The following GABBR2 variants were observed in gnomAD, a reference collection of about 807,000 sequenced individuals.
The protein encoded by GABBR2 is G-protein coupled receptor 51.
GABBR2 carries 23 observed loss-of-function variants against 105.6 expected under a neutral mutation model. That is an observed-to-expected ratio of 0.22 (90% CI 0.16 to 0.31). GABBR2 has a LOEUF of 0.31. GABBR2 is among the 10% of genes least tolerant of loss of function. The pLI is 1.00. For missense variants in GABBR2, 734 were observed against 1,245.5 expected (o/e 0.59, Z 6.18); for synonymous variants, 478 against 499.7 (o/e 0.96, Z 0.58).
At chr9:98,411,148 T>C (rs1159504314) in intron 7 of GABBR2, among the ~76,000 whole-genome samples, 1 of 151,008 alleles carries the variant, frequency 6.6e-6, no homozygotes, top group Non-Finnish European at 1.5e-5. Context: ...CTTATAAGGA[T>C]TTTTTTTCCC....
At chr9:98,393,049 T>C (rs1329647254) in intron 9 of GABBR2, among the ~76,000 whole-genome samples, 20 of 136,338 alleles carry the variant, frequency 1.5e-4, no homozygotes, top group African/African-American at 5.2e-4. Context: ...CATCCATCCA[T>C]CCATCCATCC....
intron 3 of GABBR2, among the ~76,000 whole-genome samples, chr9:98,540,194 G>A (rs1175865877): frequency 5.3e-5 from 8 of 152,154 alleles, no homozygotes; most frequent in South Asian, 2.1e-4. Context: ...GGAAGATGAC[G>A]AGCAGTCTTG....
intron 3 of GABBR2, among the ~76,000 whole-genome samples, chr9:98,527,740 A>AT (rs11412812): frequency 0.96 from 146,618 of 152,310 alleles, 70,622 homozygotes; most frequent in African/African-American, 0.99. Context: ...AAGACATGGT[A>AT]TATAAAGATG....
Position 98,306,850 on chromosome 9 carries a change from C to T in GABBR2, c.2005-505G>A, listed in dbSNP as rs115286542. Reference sequence around the variant, plus strand: ...AAGCACACACAGACACCCAGAATAGCGACTACATTTTTCAGCTGCCCTAGA... The same window carrying T: ...AAGCACACACAGACACCCAGAATAGTGACTACATTTTTCAGCTGCCCTAGA... On this transcript the variant is annotated intron_variant, in intron 14 of 18. Transcript: ENST00000259455. This position sits in a 1 kb window ranked among gnomAD's most constrained non-coding sequence, Gnocchi z 5.4. 0.017 allele frequency among the ~76,000 whole-genome samples: 2,603 copies of T among 152,272 alleles called. 75 individuals carry two copies. The highest frequency in any genetic ancestry group is 0.059 in the African/African-American group (2,463 of 41,536).
At chr9:98,318,675 GGCCCA>G (rs1564014749) in intron 13 of GABBR2, among the ~76,000 whole-genome samples, 2 of 152,168 alleles carry the variant, frequency 1.3e-5, no homozygotes. Flanking sequence ...AGGGTTCCTA[GGCCCA>G]GCCCAGCCCG....
In GABBR2 at chr9:98,427,653, T is replaced by A. The variant is rs75570118; in HGVS notation, c.1237-21512A>T. 8.1e-3 allele frequency among the ~76,000 whole-genome samples: 1,228 copies of A among 152,320 alleles called. 17 individuals are homozygous for A. The highest frequency in any genetic ancestry group is 0.025 in the East Asian group (129 of 5,174). ...TCTAGAGAAATGGCAGTGTGTACTT[T>A]CCAAGAGTAGGTCATAAAAAGATGC... On this transcript the variant is annotated intron_variant, in intron 7 of 18. Transcript: ENST00000259455.
chr9:98,421,181 A>G (rs1464623063), intron 7 of GABBR2, among the ~76,000 whole-genome samples: 1 of 152,238 alleles, frequency 6.6e-6, no homozygotes, highest in Non-Finnish European at 1.5e-5. Context: ...ATCATACACC[A>G]TGTGAACTAC....
At chr9:98,557,136 A>G (rs1007810891) in intron 2 of GABBR2, among the ~76,000 whole-genome samples, 1 of 152,102 alleles carries the variant, frequency 6.6e-6, no homozygotes, top group African/African-American at 2.4e-5. Context: ...TGAGGAGATG[A>G]GGGTTATGAG....
At chr9:98,560,946 A>T (rs1828666139) in intron 2 of GABBR2, among the ~76,000 whole-genome samples, 2 of 151,942 alleles carry the variant, frequency 1.3e-5, no homozygotes, top group Non-Finnish European at 2.9e-5. Context: ...ATATCATTAT[A>T]ATGTCATTAT....
chr9:98,708,625 C>T lies in GABBR2; in HGVS notation c.113G>A (p.Gly38Glu), dbSNP rs1830934754. 5.4e-6 allele frequency: 7 copies of T among 1,286,096 alleles called. No homozygotes were observed. The highest frequency in any genetic ancestry group is 6.8e-6 in the Non-Finnish European group (7 of 1,022,584). 79.7% of individuals were successfully genotyped at this position (1,286,096 alleles called of 1,614,324 possible). Residue 38 changes from glycine to glutamate, a missense_variant, in exon 1 of 19, where the codon GGG becomes GAG. Coordinates refer to ENST00000259455, the MANE Select transcript of GABBR2 (RefSeq NM_005458.8). ...LLPLLLPLAP[G>E]AWGWARGAPR... The stretch of plus-strand genomic sequence containing the variant: ...GGCGCCCCGCGCCCAGCCCCAGGCC[C>T]CGGGCGCCAGAGGCAGCAGCAGCGG...
intron 2 of GABBR2, among the ~76,000 whole-genome samples, chr9:98,563,226 G>A (rs938511284): frequency 6.6e-6 from 1 of 152,072 alleles, no homozygotes; most frequent in Admixed American, 6.5e-5. Context: ...TGAGAGCACC[G>A]AAAACCAAAA....
intron 13 of GABBR2, among the ~76,000 whole-genome samples, chr9:98,351,174 A>T (rs60900918): frequency 2.5e-4 from 5 of 19,908 alleles, no homozygotes; most frequent in South Asian, 1.1e-3. Context: ...TTGGCTTTTT[A>T]AAAAAAATCC....
In GABBR2 at chr9:98,483,240, T is replaced by G. The variant is rs1826966880; in HGVS notation, c.733-2243A>C. Reference sequence around the variant, plus strand: ...CATCCAAGCCATAACTGGAATCTGTTGGTTCTGTCTGCTCACAACTAGCTC... The same window carrying G: ...CATCCAAGCCATAACTGGAATCTGTGGGTTCTGTCTGCTCACAACTAGCTC... On this transcript the variant is annotated intron_variant, in intron 4 of 18. Coordinates refer to ENST00000259455, the MANE Select transcript of GABBR2 (RefSeq NM_005458.8). Among the ~76,000 whole-genome samples, 4 of 152,304 alleles carry G rather than the reference T, an allele frequency of 2.6e-5. No individual in the cohort carries two copies. The South Asian group carries it at 8.3e-4, about 32-fold the overall frequency.
At chr9:98,624,683 T>C (rs1829711193) in intron 1 of GABBR2, among the ~76,000 whole-genome samples, 1 of 152,010 alleles carries the variant, frequency 6.6e-6, no homozygotes, top group African/African-American at 2.4e-5. Context: ...TGGTCTGTGA[T>C]GGTCTCTGTG....
At chr9:98,380,478 C>G (rs76257224) in intron 11 of GABBR2, among the ~76,000 whole-genome samples, 1,732 of 152,350 alleles carry the variant, frequency 0.011, 38 homozygotes, top group African/African-American at 0.039. Context: ...GGGCTGGGAT[C>G]CCAGAGCCGG....
chr9:98,569,357 C>G (rs370874649), intron 2 of GABBR2, among the ~76,000 whole-genome samples: 71 of 152,210 alleles, frequency 4.7e-4, no homozygotes, highest in African/African-American at 1.7e-3. Context: ...TGAAGAGCCC[C>G]CATTCCATCC....
chr9:98,474,926 T>C (rs1826756047), intron 5 of GABBR2, among the ~76,000 whole-genome samples: 1 of 152,140 alleles, frequency 6.6e-6, no homozygotes, highest in South Asian at 2.1e-4. Context: ...GGCTGCAGTG[T>C]GGAGCAGCTC....
chr9:98,641,871 C>G (rs1437179488), intron 1 of GABBR2, among the ~76,000 whole-genome samples: 1 of 152,190 alleles, frequency 6.6e-6, no homozygotes, highest in Non-Finnish European at 1.5e-5. Flanking sequence ...GCACCACCCC[C>G]ACAGTCCCTG....
chr9:98,454,067 G>T lies in GABBR2; in HGVS notation c.1150C>A (p.Arg384=), dbSNP rs773210565. The T allele has an allele frequency of 2.5e-6, 4 of 1,614,050 alleles. No homozygotes were observed. The highest frequency in any genetic ancestry group is 1.7e-5 in the Admixed American group (1 of 60,008). The part of the protein sequence containing the change: ...ETLHASSRHQ[R]IQDFNYTDHT... Reference sequence around the variant, plus strand: ...TCCGTGTAGTTGAAGTCCTGGATCCGCTGGTGCCGGCTGCTGGCATGCAGT... The same window carrying T: ...TCCGTGTAGTTGAAGTCCTGGATCCTCTGGTGCCGGCTGCTGGCATGCAGT... The change falls in exon 7 of 19, where the codon CGG becomes AGG. Residue 384 remains arginine, a synonymous_variant. Transcript: ENST00000259455. The surrounding 1 kb of genome is among the most constrained non-coding windows in gnomAD (Gnocchi z 4.6).
Sources: gnomAD v4.1 joint callset for allele counts (sites outside exome capture counted in the v4.1 genomes callset) on GRCh38, gnomAD v4.1.1 for gene constraint, Gnocchi (gnomAD v3.1) non-coding constraint, MANE v1.5 for transcripts, NCBI Gene and HGNC (gene_info 2026-07-23, HGNC 2026-07-21) for gene names.